SYNE1: variants seen among roughly 807,000 people sequenced by gnomAD.
SYNE1 encodes the protein nesprin-1.
SYNE1 carries 616 observed loss-of-function variants against 1,111.0 expected under a neutral mutation model. That is an observed-to-expected ratio of 0.55 (90% CI 0.52 to 0.59). The LOEUF is 0.59. SYNE1 is among the 20% of genes least tolerant of loss of function. The pLI is 0.00. For missense variants in SYNE1, 10,006 were observed against 10,417.0 expected (o/e 0.96, Z 1.72); for synonymous variants, 3,855 against 3,825.8 (o/e 1.01, Z -0.28).
chr6:152,210,181 A>C (rs946918317), intron 124 of SYNE1, among the ~76,000 whole-genome samples: 8 of 151,288 alleles, frequency 5.3e-5, no homozygotes, highest in Non-Finnish European at 8.8e-5. Flanking sequence ...CTCTAATCTG[A>C]TTTTTTTTTC....
At chr6:152,323,447 A>G in intron 82 of SYNE1, 31 bp downstream of exon 82, 2 of 1,607,620 alleles carry the variant, frequency 1.2e-6, no homozygotes, top group Non-Finnish European at 1.7e-6. Flanking sequence ...CAAACAAACA[A>G]ACAAAAGAAT....
At chr6:152,169,664 G>C (rs2064666406) in intron 130 of SYNE1, among the ~76,000 whole-genome samples, 1 of 147,242 alleles carries the variant, frequency 6.8e-6, no homozygotes, top group South Asian at 2.2e-4. Context: ...AGATTATCCA[G>C]GCACAGTGGC....
intron 145 of SYNE1, chr6:152,126,568 A>G (rs976592180): frequency 2.6e-5 from 4 of 152,222 alleles, no homozygotes; most frequent in Admixed American, 2.6e-4. Flanking sequence ...ATACAGATAT[A>G]TCAGATAGTT....
rs1563169531 is a variant in SYNE1, at chr6:152,336,907, C to T, written c.12462G>A (p.Gln4154=). ...IYLQDADQQL[Q]NMKRRHSELE... is the part of the protein sequence containing the mutation. ...GCTCAGAGTGCCTCCTCTTCATGTT[C>T]TGCAGTTGCTGATCAGCATCTTGCA... Residue 4154 remains glutamine, a synonymous_variant, in exon 76 of 146, where the codon CAG becomes CAA. Transcript: ENST00000367255. The T allele has an allele frequency of 6.2e-7, 1 of 1,614,188 alleles. No individual in the cohort carries two copies. The highest frequency in any genetic ancestry group is 8.5e-7 in the Non-Finnish European group (1 of 1,180,042).
intron 104 of SYNE1, among the ~76,000 whole-genome samples, chr6:152,250,813 G>A (rs1435499037): frequency 6.6e-6 from 1 of 152,200 alleles, no homozygotes; most frequent in Non-Finnish European, 1.5e-5. Flanking sequence ...CACTTGAACA[G>A]AAGCCTACAT....
At chr6:152,515,091 G>A (rs1399158149) in intron 6 of SYNE1, among the ~76,000 whole-genome samples, 4 of 151,776 alleles carry the variant, frequency 2.6e-5, no homozygotes, top group South Asian at 2.1e-4. Flanking sequence ...GCTTGGTGGC[G>A]CATGCCTGTA....
chr6:152,267,950 A>C (rs545494139), intron 100 of SYNE1, 106 bp downstream of exon 100: 2 of 991,022 alleles, frequency 2.0e-6, no homozygotes, highest in Admixed American at 3.9e-5. Flanking sequence ...AAGATGACTA[A>C]ATTTTGCAGA....
chr6:152,277,790 GCCTTTACTTTCCCTCT>G (rs2093753683), intron 98 of SYNE1: 1 of 462,606 alleles, frequency 2.2e-6, no homozygotes, highest in African/African-American at 2.0e-5. Context: ...TCCTGGAGTA[GCCTTTACTTTCCCTCT>G]CCAGTTCCTC....
intron 124 of SYNE1, among the ~76,000 whole-genome samples, chr6:152,209,418 T>C (rs369441763): frequency 3.3e-5 from 5 of 152,232 alleles, no homozygotes; most frequent in African/African-American, 1.2e-4. Context: ...AAGTAAAGCC[T>C]CTGCAAAAAA....
chr6:152,516,582 T>C (rs140256550), intron 6 of SYNE1, among the ~76,000 whole-genome samples: 51 of 152,226 alleles, frequency 3.4e-4, no homozygotes, highest in African/African-American at 1.2e-3. Flanking sequence ...TCTATCTTTA[T>C]TTTTTATTTT....
At position 152,407,093 on chromosome 6, in the gene SYNE1, T is replaced by C. The variant is rs1411492171; in HGVS notation, c.6644A>G (p.Asn2215Ser). ...TRDEIEGWSNNCVPQMAENIS... is the reference protein window; with the variant it reads ...TRDEIEGWSNSCVPQMAENIS... ...GTTTTCTGCCATCTGTGGAACGCAG[T>C]TGTTTGACCATCCCTCAATCTCATC... The change falls in exon 45 of 146, where the codon AAC becomes AGC. Residue 2215 changes from asparagine to serine, a missense_variant. By Grantham distance (46) the Asn-to-Ser change is conservative. Around this residue, in one of 7 missense-constraint regions of SYNE1, gnomAD observed 4,955 missense variants for 5,017.2 expected, o/e 0.99. Coordinates refer to ENST00000367255, the MANE Select transcript of SYNE1 (RefSeq NM_182961.4). 2.5e-6 allele frequency: 4 copies of C among 1,614,064 alleles called. No individual in the cohort carries two copies. Among genetic ancestry groups the C allele is most frequent in the Non-Finnish European group, 1.7e-6 (2 of 1,179,998 alleles).
At chr6:152,481,285 C>T (rs1217501993) in intron 14 of SYNE1, 2 of 252,818 alleles carry the variant, frequency 7.9e-6, no homozygotes, top group East Asian at 1.9e-4. Context: ...CTCGTCTGTG[C>T]CCCTCACCTG....
In SYNE1 at chr6:152,465,214, T is replaced by A. The variant is rs777156925; in HGVS notation, c.1932+44A>T. On this transcript the variant is annotated intron_variant, in intron 18 of 145. Coordinates refer to ENST00000367255, the MANE Select transcript of SYNE1 (RefSeq NM_182961.4). Reference sequence around the variant, plus strand: ...CTACGCTGTAAAAGTCTCTCATTTTTACATACATCAAACGTCTTTTCTTTT... The same window carrying A: ...CTACGCTGTAAAAGTCTCTCATTTTAACATACATCAAACGTCTTTTCTTTT... 2.6e-5 allele frequency: 41 copies of A among 1,602,892 alleles called. No individual in the cohort carries two copies. The South Asian group carries it at 3.6e-4, about 14-fold the overall frequency.
intron 27 of SYNE1, 54 bp from the exon 28 acceptor site, chr6:152,449,695 G>T: frequency 7.5e-7 from 1 of 1,330,570 alleles, no homozygotes; most frequent in Non-Finnish European, 1.1e-6. Context: ...AGAATGATCA[G>T]AATATGTTTT....
At chr6:152,629,118 C>A (rs1351336795) in intron 2 of SYNE1, among the ~76,000 whole-genome samples, 5 of 152,038 alleles carry the variant, frequency 3.3e-5, no homozygotes, top group Non-Finnish European at 4.4e-5. Context: ...TTTTTTCCTC[C>A]CTATGTATAA....
At chr6:152,355,829 C>A (rs1008362454) in intron 66 of SYNE1, among the ~76,000 whole-genome samples, 1 of 152,084 alleles carries the variant, frequency 6.6e-6, no homozygotes, top group African/African-American at 2.4e-5. Flanking sequence ...TTTCTCAATA[C>A]TATATTTTAA....
chr6:152,340,951 A>G (rs2096523969), intron 74 of SYNE1, among the ~76,000 whole-genome samples: 1 of 152,160 alleles, frequency 6.6e-6, no homozygotes, highest in South Asian at 2.1e-4. Flanking sequence ...AATAGGGATA[A>G]ATAAGGAAGG....
intron 21 of SYNE1, among the ~76,000 whole-genome samples, chr6:152,460,739 T>G (rs2154264133): frequency 6.9e-6 from 1 of 145,424 alleles, no homozygotes; most frequent in East Asian, 2.1e-4. Context: ...AGAAAATGCT[T>G]ATGACTAGTG....
At chr6:152,305,498 T>C (rs953899943) in intron 91 of SYNE1, among the ~76,000 whole-genome samples, 4 of 152,062 alleles carry the variant, frequency 2.6e-5, no homozygotes, top group Admixed American at 6.6e-5. Flanking sequence ...CTCCTGACCT[T>C]GTGATCTGCC....
Sources: allele counts gnomAD v4.1 joint callset (sites outside exome capture counted in the v4.1 genomes callset), GRCh38; gene constraint gnomAD v4.1.1; regional missense constraint gnomAD v4.1.1; transcripts MANE v1.5; gene names NCBI Gene and HGNC (gene_info 2026-07-23, HGNC 2026-07-21).